Variants in ERC2 observed in about 807,000 individuals in gnomAD.
The protein encoded by ERC2 is ELKS/RAB6-interacting/CAST family member 2.
Under a neutral mutation model 114.8 loss-of-function variants are expected in ERC2, and 42 were observed. The observed-to-expected ratio is 0.37, with a 90% CI of 0.29 to 0.47. The LOEUF (loss-of-function observed/expected upper bound fraction) is 0.47. ERC2 is among the 20% of genes least tolerant of loss of function. The pLI is 0.99. For missense variants in ERC2, 939 were observed against 1,150.7 expected, an observed-to-expected ratio of 0.82 and a Z score of 2.66; for synonymous variants, 454 against 425.5, an observed-to-expected ratio of 1.07 and a Z score of -0.82.
intron 4 of ERC2, among the ~76,000 whole-genome samples, chr3:56,159,584 T>C (rs1277036012): frequency 2.6e-5 from 4 of 152,124 alleles, no homozygotes; most frequent in African/African-American, 9.7e-5. Flanking sequence ...GATGCTGAGG[T>C]TTGGGGTATA....
intron 2 of ERC2, among the ~76,000 whole-genome samples, chr3:56,312,905 C>T (rs2056661069): frequency 2.0e-5 from 3 of 147,200 alleles, no homozygotes; most frequent in Non-Finnish European, 4.5e-5. Context: ...GAATCAAAGG[C>T]CTGTATCTTT....
intron 2 of ERC2, among the ~76,000 whole-genome samples, chr3:56,368,694 T>C (rs2059246808): frequency 6.6e-6 from 1 of 152,120 alleles, no homozygotes; most frequent in African/African-American, 2.4e-5. Context: ...TGCACACAGA[T>C]GTGGCAAAAT....
At chr3:56,366,743 A>C (rs1313768075) in intron 2 of ERC2, among the ~76,000 whole-genome samples, 2 of 152,192 alleles carry the variant, frequency 1.3e-5, no homozygotes, top group Non-Finnish European at 2.9e-5. Context: ...GAACACAGGC[A>C]CAGGCCCTAT....
chr3:56,209,850 TAA>T (rs920121798), intron 3 of ERC2, among the ~76,000 whole-genome samples: 1 of 152,214 alleles, frequency 6.6e-6, no homozygotes, highest in Non-Finnish European at 1.5e-5. Flanking sequence ...GAAAGTTTCA[TAA>T]AGTCACAGCA....
intron 3 of ERC2, among the ~76,000 whole-genome samples, chr3:56,236,245 A>G (rs575567148): frequency 2.0e-5 from 3 of 151,982 alleles, no homozygotes; most frequent in African/African-American, 7.2e-5. Context: ...AGGGCTGCAT[A>G]TAGATTTGGA....
chr3:56,333,076 G>C (rs1259689284), intron 2 of ERC2, among the ~76,000 whole-genome samples: 3 of 152,168 alleles, frequency 2.0e-5, no homozygotes, highest in Non-Finnish European at 1.5e-5. Context: ...GGTTACACTG[G>C]GATGTCACGT....
rs2053895861 is a variant in ERC2 at position 56,274,898 on chromosome 3, T to G, written c.1074+21121A>C. Among the ~76,000 whole-genome samples the G allele has an allele frequency of 2.0e-5, 3 of 152,244 alleles. No homozygotes were observed. The South Asian group carries it at 6.2e-4, about 31-fold the overall frequency. On this transcript the variant is annotated intron_variant, in intron 3 of 17. Transcript: ENST00000288221. ...AAGGCAAAAATATTTATCCTTAACT[T>G]GTATAACCAAAAATGTTTCTAATGG...
intron 6 of ERC2, among the ~76,000 whole-genome samples, chr3:56,116,698 C>T (rs1291794078): frequency 6.6e-6 from 1 of 152,134 alleles, no homozygotes; most frequent in African/African-American, 2.4e-5. Context: ...ATGCCTTCTT[C>T]TAGCCATTTT....
intron 17 of ERC2, among the ~76,000 whole-genome samples, chr3:55,664,434 C>T (rs758253911): frequency 3.5e-4 from 53 of 152,168 alleles, no homozygotes; most frequent in Non-Finnish European, 6.0e-4. Flanking sequence ...TTCGCAAATG[C>T]GCACATTTTT....
intron 15 of ERC2, among the ~76,000 whole-genome samples, chr3:55,720,713 T>C (rs977650099): frequency 6.6e-6 from 1 of 152,182 alleles, no homozygotes; most frequent in Non-Finnish European, 1.5e-5. Flanking sequence ...ACTCAAGTTC[T>C]TTCTTCCTTG....
chr3:55,881,591 A>G (rs1243512032), intron 14 of ERC2, among the ~76,000 whole-genome samples: 2 of 152,228 alleles, frequency 1.3e-5, no homozygotes, highest in Non-Finnish European at 2.9e-5. Flanking sequence ...ATAGTAGTTT[A>G]AATCGTCAAA....
At chr3:55,742,700 G>A (rs908370681) in intron 14 of ERC2, among the ~76,000 whole-genome samples, 57 of 152,268 alleles carry the variant, frequency 3.7e-4, no homozygotes, top group African/African-American at 1.4e-3. Flanking sequence ...AGTTCAGTAG[G>A]AGGTGACTTC....
At chr3:55,543,667 G>A (rs982646942) in intron 17 of ERC2, among the ~76,000 whole-genome samples, 1 of 152,210 alleles carries the variant, frequency 6.6e-6, no homozygotes, top group Non-Finnish European at 1.5e-5. Flanking sequence ...AAGAGAACGG[G>A]AGCTTGGCTG....
chr3:56,456,667 C>A (rs2063075088), intron 1 of ERC2, among the ~76,000 whole-genome samples: 1 of 152,198 alleles, frequency 6.6e-6, no homozygotes, highest in South Asian at 2.1e-4. Context: ...CTAATGGTTT[C>A]AATGTTTGGC....
chr3:56,226,941 G>T (rs1394583989), intron 3 of ERC2, among the ~76,000 whole-genome samples: 2 of 152,136 alleles, frequency 1.3e-5, no homozygotes, highest in Non-Finnish European at 1.5e-5. Flanking sequence ...ACTGCCCCTT[G>T]TTTAAAATTC....
intron 12 of ERC2, among the ~76,000 whole-genome samples, 160 bp from the exon 13 acceptor site, chr3:55,950,720 T>C (rs1310678272): frequency 6.6e-6 from 1 of 152,194 alleles, no homozygotes; most frequent in Non-Finnish European, 1.5e-5. Flanking sequence ...AAATATGTAT[T>C]GAGCATCCAC....
At chr3:56,428,292 G>A (rs1018534699) in intron 2 of ERC2, among the ~76,000 whole-genome samples, 2 of 151,988 alleles carry the variant, frequency 1.3e-5, no homozygotes, top group African/African-American at 2.4e-5. Context: ...AGGCTGAGGC[G>A]GGCGGATCAC....
At chr3:56,431,862 T>A (rs2061807240) in intron 2 of ERC2, among the ~76,000 whole-genome samples, 1 of 152,204 alleles carries the variant, frequency 6.6e-6, no homozygotes, top group African/African-American at 2.4e-5. Context: ...CACTGAGTCA[T>A]ATGTCACACA....
chr3:56,052,153 G>A (rs977577337), intron 7 of ERC2, among the ~76,000 whole-genome samples: 2 of 152,202 alleles, frequency 1.3e-5, no homozygotes, highest in African/African-American at 4.8e-5. Context: ...ACCAAGTTCA[G>A]AGGAAGCGCC....
Sources: gnomAD v4.1 joint callset for allele counts (sites outside exome capture counted in the v4.1 genomes callset) on GRCh38, gnomAD v4.1.1 for gene constraint, MANE v1.5 for transcripts, NCBI Gene and HGNC (gene_info 2026-07-23, HGNC 2026-07-21) for gene names.